The following MDN1 variants were observed in gnomAD, a reference collection of about 807,000 sequenced individuals.
MDN1 encodes midasin.
MDN1 carries 266 observed loss-of-function variants against 669.2 expected under a neutral mutation model. That is an observed-to-expected ratio of 0.40 (90% CI 0.36 to 0.44). The LOEUF (loss-of-function observed/expected upper bound fraction) is 0.44, where lower values mean the gene tolerates loss of function less well. MDN1 is among the 20% of genes least tolerant of loss of function. The pLI is 1.00. For missense variants in MDN1, 5,940 were observed against 6,754.0 expected, an observed-to-expected ratio of 0.88 and a Z score of 4.22; for synonymous variants, 2,385 against 2,457.1, an observed-to-expected ratio of 0.97 and a Z score of 0.87.
At chr6:89,660,134 G>A (rs1809621506) in intron 88 of MDN1, among the ~76,000 whole-genome samples, 1 of 152,038 alleles carries the variant, frequency 6.6e-6, no homozygotes, top group South Asian at 2.1e-4. Flanking sequence ...TGATCCGCCC[G>A]CCTCAGCCTC....
At position 89,662,852 on chromosome 6, in the gene MDN1, CTCATCA is replaced by C. The variant is rs781521374; in HGVS notation, c.14346_14351del (p.Asp4782_Asp4783del). 9.3e-6 allele frequency: 15 copies of C among 1,610,162 alleles called. No individual in the cohort carries two copies. Among genetic ancestry groups the C allele is most frequent in the Non-Finnish European group, 1.2e-5 (14 of 1,176,478 alleles). On this transcript the variant is annotated inframe_deletion, in exon 86 of 102. Coordinates refer to ENST00000369393, the MANE Select transcript of MDN1 (RefSeq NM_014611.3). ...TGTCTTCTTCCTCCTCATCTTCCTCCTCATCATCATCACCCCAAAGCCTCTCATCTA... is the reference window on the plus strand; with the variant it reads ...TGTCTTCTTCCTCCTCATCTTCCTCCTCATCACCCCAAAGCCTCTCATCTA...
chr6:89,812,362 A>G lies in MDN1; in HGVS notation c.102+7144T>C, dbSNP rs546940915. Among the ~76,000 whole-genome samples the G allele has an allele frequency of 2.8e-3, 421 of 152,106 alleles. 3 individuals are homozygous for G. Among genetic ancestry groups the G allele is most frequent in the African/African-American group, 1.0e-2 (414 of 41,510 alleles). ...CACTTTGGGAGGCCGAGGCAGGTAGATTGTCTGAGCTCAGCCACTGCACCC... is the reference window on the plus strand; with the variant it reads ...CACTTTGGGAGGCCGAGGCAGGTAGGTTGTCTGAGCTCAGCCACTGCACCC... On this transcript the variant is annotated intron_variant, in intron 1 of 101. Transcript: ENST00000369393.
At chr6:89,649,198 A>G (rs1808687241) in intron 97 of MDN1, among the ~76,000 whole-genome samples, 1 of 152,228 alleles carries the variant, frequency 6.6e-6, no homozygotes, top group African/African-American at 2.4e-5. Context: ...TGACAAAAGC[A>G]GCAGCAAACT....
Position 89,790,153 on chromosome 6 carries a change from T to C in MDN1, c.1098+6A>G. The C allele has an allele frequency of 6.2e-7, 1 of 1,613,828 alleles. No individual in the cohort carries two copies. Among genetic ancestry groups the C allele is most frequent in the East Asian group, 2.2e-5 (1 of 44,892 alleles). On this transcript the variant is annotated splice_donor_region_variant and intron_variant, in intron 6 of 101. Transcript: ENST00000369393. Reference sequence around the variant, plus strand: ...AAGCCACCAAAACTTAACATTTCCTTATTACCTTACTGTCAGTCTGATCTC... The same window carrying C: ...AAGCCACCAAAACTTAACATTTCCTCATTACCTTACTGTCAGTCTGATCTC...
At chr6:89,817,783 C>G (rs1768939726) in intron 1 of MDN1, among the ~76,000 whole-genome samples, 1 of 152,172 alleles carries the variant, frequency 6.6e-6, no homozygotes, top group Non-Finnish European at 1.5e-5. Flanking sequence ...AAGTAAACAA[C>G]CAGTCTGGGG....
chr6:89,714,739 C>A lies in MDN1; in HGVS notation c.6873G>T (p.Ser2291=), dbSNP rs114422841. ...ATATATCTCCATGAACAGGATCCAT[C>A]GAGAGGAAAAGTCTAGAAAAATAGC... The part of the protein sequence containing the change: ...TPNPNFRLFL[S]MDPVHGDISR... The change falls in exon 46 of 102, where the codon TCG becomes TCT. Residue 2291 remains serine (S), a synonymous_variant. Coordinates refer to ENST00000369393, the MANE Select transcript of MDN1 (RefSeq NM_014611.3). The A allele has an allele frequency of 1.2e-6, 2 of 1,606,186 alleles. No individual in the cohort carries two copies. The highest frequency in any genetic ancestry group is 1.7e-6 in the Non-Finnish European group (2 of 1,177,732).
Position 89,749,882 on chromosome 6 carries a change from C to A in MDN1, c.3407-131G>T, listed in dbSNP as rs1816858349. 8.2e-6 allele frequency: 6 copies of A among 727,754 alleles called. No homozygotes were observed. The Admixed American group carries it at 1.4e-4, about 17-fold the overall frequency. 45.1% of individuals were successfully genotyped at this position (727,754 alleles called of 1,614,324 possible). A position where few individuals can be genotyped will look rare whatever the true frequency, so the allele number is the denominator to read the frequency against. Reference sequence around the variant, plus strand: ...AAATTACTTTCTGTAGCTAGTCTTGCCTCAAAACAAATTATGACACTGCAG... The same window carrying A: ...AAATTACTTTCTGTAGCTAGTCTTGACTCAAAACAAATTATGACACTGCAG... On this transcript the variant is annotated intron_variant, in intron 24 of 101. Coordinates refer to ENST00000369393, the MANE Select transcript of MDN1 (RefSeq NM_014611.3).
chr6:89,765,626 C>T (rs1057263229), intron 15 of MDN1, among the ~76,000 whole-genome samples: 1 of 152,100 alleles, frequency 6.6e-6, no homozygotes, highest in African/African-American at 2.4e-5. Context: ...AATTGCTAGT[C>T]CTGAAAATAA....
chr6:89,715,036 C>T (rs867754425), intron 45 of MDN1, among the ~76,000 whole-genome samples: 1 of 152,192 alleles, frequency 6.6e-6, no homozygotes, highest in Non-Finnish European at 1.5e-5. Flanking sequence ...ATTCATTATT[C>T]TAACTCACCT....
In MDN1 at chr6:89,762,533, GA is replaced by G. The variant is rs1283818191; in HGVS notation, c.2145-4del. 1 of 1,602,762 alleles carries G rather than the reference GA, an allele frequency of 6.2e-7. No homozygotes were observed. On this transcript the variant is annotated splice_polypyrimidine_tract_variant and splice_region_variant and intron_variant, in intron 15 of 101. Coordinates refer to ENST00000369393, the MANE Select transcript of MDN1 (RefSeq NM_014611.3). Reference sequence around the variant, plus strand: ...GCTTATGGTCCACCGGTTTATAACTGAAACAGACACAGGTAAATGTGATTCA... The same window carrying G: ...GCTTATGGTCCACCGGTTTATAACTGAACAGACACAGGTAAATGTGATTCA...
Position 89,751,593 on chromosome 6 carries a change from C to CAGAA in MDN1, c.3076-15_3076-12dup, listed in dbSNP as rs1816957625. On this transcript the variant is annotated splice_polypyrimidine_tract_variant and intron_variant, in intron 22 of 101. Coordinates refer to ENST00000369393, the MANE Select transcript of MDN1 (RefSeq NM_014611.3). ...TGGCTCTGGAATAGGCTGAAAGACA[C>CAGAA]AGAAGTTCAAGGAATAACCCACAGT... 5.0e-6 allele frequency: 8 copies of CAGAA among 1,611,686 alleles called. No individual in the cohort carries two copies. In the East Asian group the frequency reaches 1.8e-4, roughly 36 times the overall value.
At chr6:89,775,494 A>G (rs1010894287) in intron 12 of MDN1, among the ~76,000 whole-genome samples, 1 of 152,194 alleles carries the variant, frequency 6.6e-6, no homozygotes, top group Admixed American at 6.5e-5. Context: ...AGAATGTCAG[A>G]TATCTGCTTC....
rs1391663682 is a variant in MDN1 at position 89,655,769 on chromosome 6, G to T, written c.15485C>A (p.Thr5162Asn). The T allele has an allele frequency of 6.2e-7, 1 of 1,604,386 alleles. No homozygotes were observed. The highest frequency in any genetic ancestry group is 8.5e-7 in the Non-Finnish European group (1 of 1,175,506). The change falls in exon 92 of 102, where the codon ACC becomes AAC. Residue 5162 changes from threonine to asparagine, a missense_variant. Around this residue, in one of 5 missense-constraint regions of MDN1, gnomAD observed 2,280 missense variants for 2,576.3 expected, o/e 0.88. Coordinates refer to ENST00000369393, the MANE Select transcript of MDN1 (RefSeq NM_014611.3). ...CAGCTTTCCCAGGACCGTACCATAG[G>T]TCTGTGCATCGTATGCGTCACTGCC... ...KQGSDAYDAQ[T>N]YDVASKEQQQ...
rs183414490 is a variant in MDN1, at chr6:89,794,695, G to T, written c.436C>A (p.Arg146=). The T allele has an allele frequency of 6.2e-7, 1 of 1,614,118 alleles. No individual in the cohort carries two copies. The highest frequency in any genetic ancestry group is 1.1e-5 in the South Asian group (1 of 91,078). The change falls in exon 3 of 102, where the codon CGG becomes AGG. Residue 146 remains arginine (R), a synonymous_variant. Transcript: ENST00000369393. The part of the protein sequence containing the change: ...VRYGRRRMKL[R]DLMEAAFKFL... The stretch of plus-strand genomic sequence containing the variant: ...TTGAAGGCTGCTTCCATTAGGTCCC[G>T]GAGCTTCATCCTCCTACGTCCATAG...
chr6:89,661,659 C>G, intron 87 of MDN1, 81 bp from the exon 88 acceptor site: 7 of 1,357,974 alleles, frequency 5.2e-6, no homozygotes, highest in Non-Finnish European at 5.0e-6. Flanking sequence ...AAAATCAGCT[C>G]TAAGTATTTA....
chr6:89,801,830 T>C (rs1399778674), intron 2 of MDN1, among the ~76,000 whole-genome samples: 1 of 150,264 alleles, frequency 6.7e-6, no homozygotes, highest in Non-Finnish European at 1.5e-5. Flanking sequence ...GGTGTAGTGA[T>C]GTGCATCTGT....
At chr6:89,657,448 T>C (rs1809398453) in intron 90 of MDN1, among the ~76,000 whole-genome samples, 2 of 152,220 alleles carry the variant, frequency 1.3e-5, no homozygotes, top group South Asian at 2.1e-4. Context: ...ATTGTGGCCA[T>C]ATCAGAACAC....
rs35906591 is a variant in MDN1 at position 89,668,126 on chromosome 6, A to G, written c.13982T>C (p.Met4661Thr). 1,265 of 1,614,130 alleles carry G rather than the reference A, an allele frequency of 7.8e-4. 11 individuals carry two copies. The African/African-American group carries it at 0.015, about 19-fold the overall frequency. The change falls in exon 84 of 102, where the codon ATG (methionine) becomes ACG (threonine). Residue 4661 changes from methionine to threonine, a missense_variant. Coordinates refer to ENST00000369393, the MANE Select transcript of MDN1 (RefSeq NM_014611.3). ...QKGFCLPKEF[M>T]EDSAGEGATE... ...TGCTCCCTCTCCAGCTGAATCTTCC[A>G]TAAATTCTTTGGGCAAGCAAAATCC...
chr6:89,745,250 G>A, intron 29 of MDN1, 23 bp downstream of exon 29: 2 of 1,612,066 alleles, frequency 1.2e-6, no homozygotes, highest in Middle Eastern at 1.7e-4. Flanking sequence ...GAACCCTCAT[G>A]AGTCACTGTC....
Sources: allele counts gnomAD v4.1 joint callset (sites outside exome capture counted in the v4.1 genomes callset), GRCh38; gene constraint gnomAD v4.1.1; regional missense constraint gnomAD v4.1.1; transcripts MANE v1.5; gene names NCBI Gene and HGNC (gene_info 2026-07-23, HGNC 2026-07-21).